MYT1: variants seen among roughly 807,000 people sequenced by gnomAD.
MYT1 encodes myelin transcription factor I.
A neutral mutation model predicts 123.0 loss-of-function variants in MYT1; 23 were observed. That is an observed-to-expected ratio of 0.19 (90% CI 0.13 to 0.26). MYT1 has a LOEUF of 0.26. Ranked by LOEUF, MYT1 falls within the 10% of genes least tolerant of loss-of-function variation. The pLI is 1.00. For synonymous variants in MYT1, 518 were observed against 575.3 expected, an observed-to-expected ratio of 0.90 and a Z score of 1.43; for missense variants, 1,125 against 1,472.5, an observed-to-expected ratio of 0.76 and a Z score of 3.86.
rs139357084 is a variant in MYT1 at position 64,236,583 on chromosome 20, G to C, written c.2926G>C (p.Ala976Pro). 1.2e-6 allele frequency: 2 copies of C among 1,613,624 alleles called. No individual in the cohort carries two copies. The highest frequency in any genetic ancestry group is 2.7e-5 in the African/African-American group (2 of 74,880). The change falls in exon 20 of 23, where the codon GCT becomes CCT. Residue 976 changes from alanine to proline, a missense_variant. By Grantham distance (27) the Ala-to-Pro change is conservative. This residue lies in a region of MYT1 where 243 missense variants were observed against 323.1 expected (regional missense o/e 0.75). Transcript: ENST00000328439. ...SLSGCPRATF[A>P]GKKGKLSGDE... is the part of the protein sequence containing the mutation. The stretch of plus-strand genomic sequence containing the variant: ...GTCAGGCTGTCCCAGAGCAACCTTT[G>C]CTGGAAAGAAGGGAAAACTGTCAGG...
Position 64,218,747 on chromosome 20 carries a change from A to G in MYT1, c.1847-164A>G. 1 of 898,982 alleles carries G rather than the reference A, an allele frequency of 1.1e-6. No individual in the cohort carries two copies. The highest frequency in any genetic ancestry group is 1.8e-6 in the Non-Finnish European group (1 of 565,642). 55.7% of individuals were successfully genotyped at this position (898,982 alleles called of 1,614,324 possible). ...GCCCTGGGCCCTCCCATCCCTCCCA[A>G]AGTGCCCCCTCCCCACTGACTTGTC... On this transcript the variant is annotated intron_variant, in intron 11 of 22. Coordinates refer to ENST00000328439, the MANE Select transcript of MYT1 (RefSeq NM_004535.3). This position sits in a 1 kb window ranked among gnomAD's most constrained non-coding sequence, Gnocchi z 4.0.
chr20:64,197,253 T>C (rs1426739732), intron 2 of MYT1, among the ~76,000 whole-genome samples: 3 of 152,374 alleles, frequency 2.0e-5, no homozygotes, highest in Non-Finnish European at 2.9e-5. Context: ...CATCATTGTA[T>C]GTTAGTGCTG....
chr20:64,199,719 G>C (rs1983236867), intron 3 of MYT1, among the ~76,000 whole-genome samples, 173 bp from the exon 4 acceptor site: 1 of 152,174 alleles, frequency 6.6e-6, no homozygotes. Context: ...GGACTCTCTG[G>C]GAGGTCAGGA....
chr20:64,206,603 A>G (rs1208752253), intron 6 of MYT1, among the ~76,000 whole-genome samples: 1 of 152,150 alleles, frequency 6.6e-6, no homozygotes, highest in Non-Finnish European at 1.5e-5. Context: ...AGGGTCTGAG[A>G]TGGATTTCAG....
chr20:64,198,103 G>A (rs1429740110), intron 2 of MYT1, among the ~76,000 whole-genome samples: 1 of 151,840 alleles, frequency 6.6e-6, no homozygotes, highest in African/African-American at 2.4e-5. Flanking sequence ...GGCTAACACG[G>A]TGAAACCCCG....
Position 64,227,989 on chromosome 20 carries a change from G to A in MYT1, c.2675+18G>A. ...CTGATGAAGTACGTTGGGCCATGCTGGCTCTTTCATTGCATTGCGGAATTG... is the reference window on the plus strand; with the variant it reads ...CTGATGAAGTACGTTGGGCCATGCTAGCTCTTTCATTGCATTGCGGAATTG... On this transcript the variant is annotated intron_variant, in intron 18 of 22. Transcript: ENST00000328439. 2 of 1,611,314 alleles carry A rather than the reference G, an allele frequency of 1.2e-6. No homozygotes were observed. The highest frequency in any genetic ancestry group is 1.7e-6 in the Non-Finnish European group (2 of 1,177,750).
At chr20:64,184,722 A>T (rs758385243) in intron 1 of MYT1, among the ~76,000 whole-genome samples, 11 of 152,266 alleles carry the variant, frequency 7.2e-5, no homozygotes, top group Non-Finnish European at 1.5e-4. Flanking sequence ...TTTAGAAAAT[A>T]ACATTGGCAG....
chr20:64,229,569 G>A (rs866551988), intron 18 of MYT1, among the ~76,000 whole-genome samples: 2 of 152,120 alleles, frequency 1.3e-5, no homozygotes, highest in African/African-American at 2.4e-5. Context: ...TGAACCCTCC[G>A]TTTTACAGGG....
intron 16 of MYT1, among the ~76,000 whole-genome samples, chr20:64,225,150 C>T (rs1316278794): frequency 6.6e-6 from 1 of 152,198 alleles, no homozygotes; most frequent in Non-Finnish European, 1.5e-5. Context: ...ACTTCCTTTC[C>T]TCCCTCCGAC....
chr20:64,201,931 CCGCGTG>C (rs1983320134), intron 4 of MYT1, among the ~76,000 whole-genome samples: 6 of 131,294 alleles, frequency 4.6e-5, no homozygotes, highest in Middle Eastern at 4.5e-3. Flanking sequence ...TCGGGAACCC[CCGCGTG>C]TCGGGAACCT....
At position 64,202,406 on chromosome 20, in the gene MYT1, G is replaced by T. The variant is rs1460420569; in HGVS notation, c.86+2484G>T. Among the ~76,000 whole-genome samples, 1 of 152,200 alleles carries T rather than the reference G, an allele frequency of 6.6e-6. No individual in the cohort carries two copies. The highest frequency in any genetic ancestry group is 1.9e-4 in the East Asian group (1 of 5,184). ...TGTCACATGGCCTCAGACTGGCTCTGCCAGAGGCGAAGACTAGGGAAGGTT... is the reference window on the plus strand; with the variant it reads ...TGTCACATGGCCTCAGACTGGCTCTTCCAGAGGCGAAGACTAGGGAAGGTT... On this transcript the variant is annotated intron_variant, in intron 4 of 22. Coordinates refer to ENST00000328439, the MANE Select transcript of MYT1 (RefSeq NM_004535.3). This position sits in a 1 kb window ranked among gnomAD's most constrained non-coding sequence, Gnocchi z 5.0.
chr20:64,200,971 C>A (rs1470624946), intron 4 of MYT1, among the ~76,000 whole-genome samples: 2 of 152,186 alleles, frequency 1.3e-5, no homozygotes, highest in Non-Finnish European at 1.5e-5. Context: ...GCTTGGCCAG[C>A]CTGCTGAAGA....
chr20:64,239,809 T>G lies in MYT1; in HGVS notation c.3143T>G (p.Leu1048Arg). 6.2e-7 allele frequency: 1 copy of G among 1,613,952 alleles called. No homozygotes were observed. Among genetic ancestry groups the G allele is most frequent in the Non-Finnish European group, 8.5e-7 (1 of 1,180,014 alleles). ...NLKNIEEENK[L>R]IEEQNEALFL... ...AAGAACATCGAGGAGGAGAACAAGC[T>G]CATTGAGGAGCAGAATGAAGCCCTG... Residue 1048 changes from leucine (L) to arginine (R), a missense_variant, in exon 22 of 23, where the codon CTC (leucine) becomes CGC (arginine). Transcript: ENST00000328439.
intron 7 of MYT1, among the ~76,000 whole-genome samples, chr20:64,210,760 C>G (rs1248950012): frequency 6.6e-6 from 1 of 152,244 alleles, no homozygotes; most frequent in African/African-American, 2.4e-5. Context: ...TCTGCCCAGG[C>G]ATAGATTAGT....
At chr20:64,229,454 C>A (rs1393354585) in intron 18 of MYT1, among the ~76,000 whole-genome samples, 1 of 152,050 alleles carries the variant, frequency 6.6e-6, no homozygotes, top group East Asian at 1.9e-4. Flanking sequence ...TAAAAAAAAA[C>A]AAGAGTTCTG....
At chr20:64,178,472 T>G (rs368302) in intron 1 of MYT1, among the ~76,000 whole-genome samples, 1 of 113,990 alleles carries the variant, frequency 8.8e-6, no homozygotes. Context: ...GGAAGAGCGC[T>G]GAGCCGTTAT....
At position 64,218,475 on chromosome 20, in the gene MYT1, G is replaced by T. The variant is rs1458545931; in HGVS notation, c.1847-436G>T. Among the ~76,000 whole-genome samples, 1 of 152,160 alleles carries T rather than the reference G, an allele frequency of 6.6e-6. No homozygotes were observed. The highest frequency in any genetic ancestry group is 1.5e-5 in the Non-Finnish European group (1 of 68,036). On this transcript the variant is annotated intron_variant, in intron 11 of 22. Coordinates refer to ENST00000328439, the MANE Select transcript of MYT1 (RefSeq NM_004535.3). This position sits in a 1 kb window ranked among gnomAD's most constrained non-coding sequence, Gnocchi z 4.0. Reference sequence around the variant, plus strand: ...CATGGGACAAAATTTTCCTATTTGGGCGATATGGCAAACACTCATCCTATT... The same window carrying T: ...CATGGGACAAAATTTTCCTATTTGGTCGATATGGCAAACACTCATCCTATT...
chr20:64,164,899 C>T (rs567569136), intron 1 of MYT1, among the ~76,000 whole-genome samples, 160 bp downstream of exon 1: 172 of 152,228 alleles, frequency 1.1e-3, no homozygotes, highest in Non-Finnish European at 2.0e-3. Context: ...TTTGAAACTG[C>T]TCTGGAGGAC....
intron 20 of MYT1, 139 bp from the exon 21 acceptor site, chr20:64,237,148 G>C (rs1984576139): frequency 1.6e-6 from 1 of 631,270 alleles, no homozygotes; most frequent in Non-Finnish European, 2.8e-6. Flanking sequence ...GCCCCAGAGA[G>C]AGATGAGCTC....
Sources: allele counts gnomAD v4.1 joint callset (sites outside exome capture counted in the v4.1 genomes callset), GRCh38; gene constraint gnomAD v4.1.1; regional missense constraint gnomAD v4.1.1; non-coding constraint Gnocchi (gnomAD v3.1); transcripts MANE v1.5; gene names NCBI Gene and HGNC (gene_info 2026-07-23, HGNC 2026-07-21).